SPATA20: variants seen among roughly 807,000 people sequenced by gnomAD.
The protein encoded by SPATA20 is spermatogenesis associated 20, also known as spermatogenesis-associated protein 20.
SPATA20 carries 74 observed loss-of-function variants against 98.9 expected under a neutral mutation model. The ratio of observed to expected loss-of-function variants is 0.75; its 90% CI spans 0.62 to 0.91. The LOEUF (loss-of-function observed/expected upper bound fraction) is 0.91. SPATA20 is among the 40% of genes least tolerant of loss of function. The pLI is 0.00. For missense variants in SPATA20, 1,016 were observed against 1,069.8 expected, an observed-to-expected ratio of 0.95 and a Z score of 0.70; for synonymous variants, 430 against 440.5, an observed-to-expected ratio of 0.98 and a Z score of 0.30.
At position 50,551,676 on chromosome 17, in the gene SPATA20, A is replaced by G. The variant is rs765353816; in HGVS notation, c.1742A>G (p.His581Arg). 1.9e-6 allele frequency: 3 copies of G among 1,587,750 alleles called. No homozygotes were observed. In the South Asian group the frequency reaches 3.3e-5, roughly 18 times the overall value. The change falls in exon 13 of 17, where the codon CAC (histidine) becomes CGC (arginine). Residue 581 changes from histidine (H) to arginine (R), a missense_variant. By Grantham distance (29) the His-to-Arg change is conservative. Coordinates refer to ENST00000006658, the MANE Select transcript of SPATA20 (RefSeq NM_022827.4). Reference sequence around the variant, plus strand: ...ACCGGCCCTGGGGGGACTGTGGAGCACAGGTTGGGGGCTGGGTAGACCGGG... The same window carrying G: ...ACCGGCCCTGGGGGGACTGTGGAGCGCAGGTTGGGGGCTGGGTAGACCGGG... ...CYTGPGGTVE[H>R]SNPPCWGFLE...
In SPATA20 at chr17:50,551,088, GCCGTGCGGA is replaced by G; in HGVS notation, c.1477_1485del (p.Val493_Thr495del). On this transcript the variant is annotated inframe_deletion, in exon 12 of 17. Transcript: ENST00000006658. The stretch of plus-strand genomic sequence containing the variant: ...TGCCCGCTTTGGCTTGGATGTGGAG[GCCGTGCGGA>G]CCTTGCTCAATTCAGGGCTGGAGAA... 1 of 1,613,148 alleles carries G rather than the reference GCCGTGCGGA, an allele frequency of 6.2e-7. No homozygotes were observed.
In SPATA20 at chr17:50,548,473, C is replaced by A; in HGVS notation, c.296+20C>A. 6.2e-7 allele frequency: 1 copy of A among 1,613,662 alleles called. No individual in the cohort carries two copies. Among genetic ancestry groups the A allele is most frequent in the Middle Eastern group, 1.7e-4 (1 of 6,058 alleles). Reference sequence around the variant, plus strand: ...GGACTGGTGAGCACCTCTCCTGGGGCCCTGCCTGGAATCGCTGGGGTCCTG... The same window carrying A: ...GGACTGGTGAGCACCTCTCCTGGGGACCTGCCTGGAATCGCTGGGGTCCTG... On this transcript the variant is annotated intron_variant, in intron 3 of 16. Coordinates refer to ENST00000006658, the MANE Select transcript of SPATA20 (RefSeq NM_022827.4).
Position 50,555,746 on chromosome 17 carries a change from C to T in SPATA20, c.*84C>T. 1 of 1,292,490 alleles carries T rather than the reference C, an allele frequency of 7.7e-7. No homozygotes were observed. 80.1% of individuals were successfully genotyped at this position (1,292,490 alleles called of 1,614,324 possible). On this transcript the variant is annotated 3_prime_UTR_variant, in exon 17 of 17. Coordinates refer to ENST00000006658, the MANE Select transcript of SPATA20 (RefSeq NM_022827.4). ...CAGGCCCTGCAGGGCCCTATAGAAC[C>T]TGTGGCCATCCCTGAGCACCCTGCC... is the stretch of plus-strand genomic sequence containing the variant.
At chr17:50,554,162 C>A in intron 14 of SPATA20, 89 bp from the exon 15 acceptor site, 1 of 1,221,088 alleles carries the variant, frequency 8.2e-7, no homozygotes, top group South Asian at 1.2e-5. Context: ...GTCCCGTCCC[C>A]CAAGTGGCCC....
At chr17:50,551,480 T>G in intron 12 of SPATA20, 31 bp from the exon 13 acceptor site, 2 of 1,581,424 alleles carry the variant, frequency 1.3e-6, no homozygotes, top group Non-Finnish European at 1.7e-6. Context: ...CTGGCCAGCT[T>G]CTTACCACTA....
rs142331675 is a variant in SPATA20 at position 50,555,523 on chromosome 17, G to C, written c.2270G>C (p.Ser757Thr). ...VLILADGDPS[S>T]FLSRQLPFLS... The stretch of plus-strand genomic sequence containing the variant: ...ATTCTGGCTGATGGGGACCCCTCGA[G>C]CTTCCTGTCCCGCCAGCTGCCTTTC... The change falls in exon 17 of 17, where the codon AGC becomes ACC. Residue 757 changes from serine to threonine, a missense_variant. Transcript: ENST00000006658. 4.9e-4 allele frequency: 798 copies of C among 1,614,006 alleles called. 1 individual carries two copies. The African/African-American group carries it at 7.9e-3, about 16-fold the overall frequency.
Position 50,552,108 on chromosome 17 carries a change from G to C in SPATA20, c.1885G>C (p.Asp629His), listed in dbSNP as rs772228537. Reference protein sequence around the residue: ...LQDTQDKLFWDSQGGGYFCSE... With the variant: ...LQDTQDKLFWHSQGGGYFCSE... ...GGACACACAGGACAAGCTCTTTTGG[G>C]ACTCCCAGGGTGGCGGCTACTTCTG... The change falls in exon 14 of 17, where the codon GAC becomes CAC. Residue 629 changes from aspartate (D) to histidine (H), a missense_variant. By Grantham distance (81) the Asp-to-His change is moderately conservative. Coordinates refer to ENST00000006658, the MANE Select transcript of SPATA20 (RefSeq NM_022827.4). 6.2e-7 allele frequency: 1 copy of C among 1,613,736 alleles called. No individual in the cohort carries two copies. Among genetic ancestry groups the C allele is most frequent in the Non-Finnish European group, 8.5e-7 (1 of 1,180,022 alleles).
chr17:50,548,107 C>G (rs1312416387), intron 2 of SPATA20, 176 bp from the exon 3 acceptor site: 1 of 1,506,264 alleles, frequency 6.6e-7, no homozygotes, highest in South Asian at 1.3e-5. Context: ...TCCTCACCCC[C>G]CAAAAAACAT....
chr17:50,553,152 G>T (rs533643825), intron 14 of SPATA20, among the ~76,000 whole-genome samples: 1 of 152,334 alleles, frequency 6.6e-6, no homozygotes, highest in African/African-American at 2.4e-5. Flanking sequence ...CATGTGCCTT[G>T]TCTGTGGTTA....
At chr17:50,550,491 C>G (rs756061843) in intron 9 of SPATA20, 45 bp from the exon 10 acceptor site, 1 of 1,569,592 alleles carries the variant, frequency 6.4e-7, no homozygotes, top group Non-Finnish European at 8.6e-7. Context: ...CCTGGGCCTC[C>G]CCAGTGACCT....
chr17:50,549,959 C>A, intron 7 of SPATA20, 26 bp from the exon 8 acceptor site: 1 of 1,526,962 alleles, frequency 6.5e-7, no homozygotes, highest in Non-Finnish European at 8.8e-7. Flanking sequence ...CATTCTCTCA[C>A]CTGCATGTTC....
Position 50,551,639 on chromosome 17 carries a change from C to A in SPATA20, c.1705C>A (p.Arg569=). Residue 569 remains arginine (R), a synonymous_variant, in exon 13 of 17, where the codon CGG becomes AGG. Transcript: ENST00000006658. ...MFDVASGRLM[R]TCYTGPGGTV... ...TGATGTGGCCAGTGGCCGCCTGATG[C>A]GGACCTGCTACACCGGCCCTGGGGG... 6.3e-7 allele frequency: 1 copy of A among 1,599,424 alleles called. No homozygotes were observed. Among genetic ancestry groups the A allele is most frequent in the Non-Finnish European group, 8.6e-7 (1 of 1,168,350 alleles).
chr17:50,547,500 C>G (rs1228431990), intron 1 of SPATA20: 2 of 643,834 alleles, frequency 3.1e-6, no homozygotes, highest in African/African-American at 3.6e-5. Context: ...CCTCCTCTCC[C>G]CTTCCTTCCA....
At chr17:50,548,009 G>T in intron 2 of SPATA20, 22 of 1,475,380 alleles carry the variant, frequency 1.5e-5, no homozygotes, top group Non-Finnish European at 1.9e-5. Flanking sequence ...ATTGTGACCC[G>T]CCCTGACCTC....
rs1467008199 is a variant in SPATA20, at chr17:50,547,178, T to C, written c.-31T>C. On this transcript the variant is annotated 5_prime_UTR_variant, in exon 1 of 17. Coordinates refer to ENST00000006658, the MANE Select transcript of SPATA20 (RefSeq NM_022827.4). Reference sequence around the variant, plus strand: ...AGCCTCCTGACTTCCCTTCCTGTCCTCAGCGGCCGGGCCCACGGCCCCGAG... The same window carrying C: ...AGCCTCCTGACTTCCCTTCCTGTCCCCAGCGGCCGGGCCCACGGCCCCGAG... The C allele has an allele frequency of 6.4e-6, 9 of 1,412,880 alleles. No individual in the cohort carries two copies. Among genetic ancestry groups the C allele is most frequent in the Non-Finnish European group, 5.5e-6 (6 of 1,092,140 alleles). 87.5% of individuals were successfully genotyped at this position (1,412,880 alleles called of 1,614,324 possible). A position where few individuals can be genotyped will look rare whatever the true frequency, so the allele number is the denominator to read the frequency against.
intron 7 of SPATA20, 48 bp downstream of exon 7, chr17:50,549,535 C>T (rs1167306102): frequency 6.4e-7 from 1 of 1,566,076 alleles, no homozygotes; most frequent in Non-Finnish European, 8.7e-7. Flanking sequence ...CTTCTGATTC[C>T]TATGCTGGTC....
rs1168195822 is a variant in SPATA20, at chr17:50,554,407, A to T, written c.2114A>T (p.Glu705Val). 2 of 1,613,454 alleles carry T rather than the reference A, an allele frequency of 1.2e-6. No homozygotes were observed. Among genetic ancestry groups the T allele is most frequent in the Non-Finnish European group, 1.7e-6 (2 of 1,179,992 alleles). The change falls in exon 15 of 17, where the codon GAG becomes GTG. Residue 705 changes from glutamate to valine, a missense_variant. Transcript: ENST00000006658. The stretch of plus-strand genomic sequence containing the variant: ...CGTCGTGTCCCGGTGGCGTTGCCCG[A>T]GATGGTCCGCGCCCTCTCAGCCCAG... ...RMRRVPVALP[E>V]MVRALSAQQQ...
At chr17:50,555,443 G>A (rs543534915) in intron 16 of SPATA20, 49 bp from the exon 17 acceptor site, 1 of 1,609,804 alleles carries the variant, frequency 6.2e-7, no homozygotes, top group Non-Finnish European at 8.5e-7. Context: ...CTAATGGGCA[G>A]GTGACCCCAC....
chr17:50,547,750 C>T lies in SPATA20; in HGVS notation c.108C>T (p.Pro36=). ...RCPGVWPRTW[P]HRSPSRGSSS... is the part of the protein sequence containing the mutation. ...CTGGAGTCTGGCCCAGGACCTGGCCCCACAGGAGTCCCAGCAGGTGGGCGC... is the reference window on the plus strand; with the variant it reads ...CTGGAGTCTGGCCCAGGACCTGGCCTCACAGGAGTCCCAGCAGGTGGGCGC... The change falls in exon 2 of 17, where the codon CCC becomes CCT. Residue 36 remains proline, a synonymous_variant. Transcript: ENST00000006658. 1.3e-6 allele frequency: 1 copy of T among 782,706 alleles called. No homozygotes were observed. The allele number at this position is 782,706 out of a possible 1,614,324, so 48.5% of individuals were successfully genotyped here. A position where few individuals can be genotyped will look rare whatever the true frequency, so the allele number is the denominator to read the frequency against.
Sources: gnomAD v4.1 joint callset for allele counts (sites outside exome capture counted in the v4.1 genomes callset) on GRCh38, gnomAD v4.1.1 for gene constraint, MANE v1.5 for transcripts, NCBI Gene and HGNC (gene_info 2026-07-23, HGNC 2026-07-21) for gene names.